The following COL25A1 variants were observed in gnomAD, a reference collection of about 807,000 sequenced individuals.
The protein encoded by COL25A1 is collagen alpha-1(XXV) chain.
A neutral mutation model predicts 128.4 loss-of-function variants in COL25A1; 103 were observed. The observed-to-expected ratio is 0.80, with a 90% CI of 0.68 to 0.94. The LOEUF (loss-of-function observed/expected upper bound fraction) is 0.94. Among genes scored for constraint, COL25A1 ranks in the 40% least tolerant of loss-of-function variants. The pLI, the probability that COL25A1 is intolerant of heterozygous loss-of-function variation, is 0.00. For synonymous variants in COL25A1, 279 were observed against 277.2 expected, an observed-to-expected ratio of 1.01 and a Z score of -0.06; for missense variants, 745 against 840.0, an observed-to-expected ratio of 0.89 and a Z score of 1.40.
At chr4:109,080,001 C>T (rs1486196796) in intron 3 of COL25A1, among the ~76,000 whole-genome samples, 2 of 152,040 alleles carry the variant, frequency 1.3e-5, no homozygotes, top group Middle Eastern at 3.2e-3. Flanking sequence ...CAGTTGAGTG[C>T]TTTACTCAAG....
chr4:108,897,104 T>C (rs1742235574), intron 15 of COL25A1, among the ~76,000 whole-genome samples: 1 of 152,136 alleles, frequency 6.6e-6, no homozygotes, highest in Non-Finnish European at 1.5e-5. Context: ...TCCTGTCACC[T>C]GGATCCCTCC....
rs1282547346 is a variant in COL25A1 at position 108,810,540 on chromosome 4, A to G, written c.*3387T>C. On this transcript the variant is annotated 3_prime_UTR_variant, in exon 38 of 38. Coordinates refer to ENST00000399132, the MANE Select transcript of COL25A1 (RefSeq NM_198721.4). ...TGAAAAACAAAAACTGAAAGAAAAA[A>G]TTAGGTATATTTGTGCACTAGGTAC... 6.6e-6 allele frequency: 1 copy of G among 152,048 alleles called. No homozygotes were observed. Among genetic ancestry groups the G allele is most frequent in the Admixed American group, 6.5e-5 (1 of 15,280 alleles). 9.4% of individuals were successfully genotyped at this position (152,048 alleles called of 1,614,324 possible).
chr4:109,160,990 C>G (rs1046840856), intron 3 of COL25A1, among the ~76,000 whole-genome samples: 1 of 151,984 alleles, frequency 6.6e-6, no homozygotes, highest in Admixed American at 6.6e-5. Flanking sequence ...TAATAATTTA[C>G]ATAGTATAAC....
intron 3 of COL25A1, among the ~76,000 whole-genome samples, chr4:109,070,188 T>A (rs3113689): frequency 1.3e-5 from 2 of 150,950 alleles, no homozygotes; most frequent in Admixed American, 6.6e-5. Context: ...AACCCAAGAG[T>A]TGGAGGCTGC....
intron 13 of COL25A1, among the ~76,000 whole-genome samples, chr4:108,913,314 T>C (rs1212030432): frequency 1.4e-5 from 2 of 147,700 alleles, no homozygotes; most frequent in South Asian, 2.3e-4. Context: ...TTGCCCAGGC[T>C]GGAGTGAAAT....
chr4:108,842,118 C>A (rs957211049), intron 30 of COL25A1, among the ~76,000 whole-genome samples: 11 of 151,832 alleles, frequency 7.2e-5, no homozygotes, highest in African/African-American at 2.7e-4. Context: ...AAAGAGAAGC[C>A]CCAGACTTTA....
chr4:109,176,908 C>T (rs558579433), intron 3 of COL25A1, among the ~76,000 whole-genome samples: 34 of 152,272 alleles, frequency 2.2e-4, no homozygotes, highest in African/African-American at 7.9e-4. Flanking sequence ...CAGATCTCCC[C>T]TAGAGTTCAG....
chr4:108,954,884 A>G (rs930751134), intron 8 of COL25A1, among the ~76,000 whole-genome samples: 1 of 152,086 alleles, frequency 6.6e-6, no homozygotes, highest in Non-Finnish European at 1.5e-5. Context: ...ACTTTCTCTG[A>G]TATCTTAAAA....
chr4:109,273,841 T>C (rs1377451237), intron 3 of COL25A1, among the ~76,000 whole-genome samples: 1 of 152,162 alleles, frequency 6.6e-6, no homozygotes, highest in Non-Finnish European at 1.5e-5. Flanking sequence ...ACTGTCCAAG[T>C]TATTGCTTGG....
chr4:109,089,612 T>C (rs1053894053), intron 3 of COL25A1, among the ~76,000 whole-genome samples: 2 of 152,106 alleles, frequency 1.3e-5, no homozygotes, highest in Non-Finnish European at 2.9e-5. Flanking sequence ...TTTTTAAAAA[T>C]ATTTTTTTTT....
chr4:109,176,585 G>T (rs902808135), intron 3 of COL25A1, among the ~76,000 whole-genome samples: 1 of 152,104 alleles, frequency 6.6e-6, no homozygotes, highest in Non-Finnish European at 1.5e-5. Context: ...ATAACCTAAG[G>T]GTGGTATATT....
At chr4:108,967,520 G>A (rs1751448485) in intron 8 of COL25A1, among the ~76,000 whole-genome samples, 1 of 152,078 alleles carries the variant, frequency 6.6e-6, no homozygotes, top group Admixed American at 6.6e-5. Context: ...GCTTATTACA[G>A]ATTTTTTCAT....
intron 35 of COL25A1, chr4:108,819,876 T>A: frequency 8.1e-7 from 1 of 1,231,340 alleles, no homozygotes; most frequent in Non-Finnish European, 1.0e-6. Flanking sequence ...AGGCCCCTTT[T>A]TGCCTTTCTT....
At chr4:108,835,483 G>C (rs1360735495) in intron 31 of COL25A1, among the ~76,000 whole-genome samples, 1 of 151,918 alleles carries the variant, frequency 6.6e-6, no homozygotes, top group Non-Finnish European at 1.5e-5. Context: ...CATACATTTT[G>C]AGTATTTTGA....
chr4:108,894,136 T>C lies in COL25A1; in HGVS notation c.906+2531A>G, dbSNP rs577933281. ...CAGTATGGTAAATGATTTGCATTAA[T>C]ATATAAAATAAGAACAGTATTCCTT... On this transcript the variant is annotated intron_variant, in intron 16 of 37. Coordinates refer to ENST00000399132, the MANE Select transcript of COL25A1 (RefSeq NM_198721.4). Among the ~76,000 whole-genome samples, 149 of 152,314 alleles carry C rather than the reference T, an allele frequency of 9.8e-4. 1 individual carries two copies. Among genetic ancestry groups the C allele is most frequent in the African/African-American group, 3.5e-3 (144 of 41,576 alleles).
chr4:108,997,300 T>C (rs1754878365), intron 6 of COL25A1, among the ~76,000 whole-genome samples: 1 of 152,058 alleles, frequency 6.6e-6, no homozygotes, highest in African/African-American at 2.4e-5. Flanking sequence ...ATATCACAAC[T>C]GATCCCACAG....
At chr4:109,041,053 A>G (rs1398172008) in intron 5 of COL25A1, among the ~76,000 whole-genome samples, 4 of 152,072 alleles carry the variant, frequency 2.6e-5, no homozygotes, top group African/African-American at 9.7e-5. Flanking sequence ...AAGCATTGCT[A>G]AAAATTAAAC....
At chr4:108,971,358 G>A (rs1351661286) in intron 8 of COL25A1, among the ~76,000 whole-genome samples, 1 of 152,112 alleles carries the variant, frequency 6.6e-6, no homozygotes, top group Non-Finnish European at 1.5e-5. Context: ...ATGGAATATA[G>A]GACCTAAGGA....
intron 18 of COL25A1, among the ~76,000 whole-genome samples, chr4:108,887,327 A>G (rs1740952418): frequency 6.6e-6 from 1 of 152,166 alleles, no homozygotes; most frequent in South Asian, 2.1e-4. Context: ...GGAGAGGAAA[A>G]TGCCGTGGAA....
Sources: allele counts gnomAD v4.1 joint callset (sites outside exome capture counted in the v4.1 genomes callset), GRCh38; gene constraint gnomAD v4.1.1; transcripts MANE v1.5; gene names NCBI Gene and HGNC (gene_info 2026-07-23, HGNC 2026-07-21).